LIPA: variants seen among roughly 807,000 people sequenced by gnomAD.
LIPA encodes lipase A, lysosomal acid type, also known as lysosomal acid lipase/cholesteryl ester hydrolase.
Under a neutral mutation model 40.6 loss-of-function variants are expected in LIPA, and 26 were observed. The ratio of observed to expected loss-of-function variants is 0.64; its 90% CI spans 0.47 to 0.89. The LOEUF is 0.89. LIPA is among the 40% of genes least tolerant of loss of function. The pLI, the probability that LIPA is intolerant of heterozygous loss-of-function variation, is 0.00. For missense variants in LIPA, 455 were observed against 479.6 expected, an observed-to-expected ratio of 0.95 and a Z score of 0.48; for synonymous variants, 188 against 168.4, an observed-to-expected ratio of 1.12 and a Z score of -0.90.
Position 89,383,947 on chromosome 10 carries a change from C to A in LIPA, c.61+28844G>T, listed in dbSNP as rs142531389. ...GCACGTCCTAAAACGAGCTGTCAGG[C>A]TAAATCCAGATGATGTATATATTAG... On this transcript the variant is annotated intron_variant, in intron 2 of 8. Coordinates refer to the LIPA transcript ENST00000371837. The A allele has an allele frequency of 6.2e-7, 1 of 1,614,154 alleles. No homozygotes were observed. Among genetic ancestry groups the A allele is most frequent in the South Asian group, 1.1e-5 (1 of 91,092 alleles).
At chr10:89,290,233 G>T (rs553952576) in intron 1 of LIPA, among the ~76,000 whole-genome samples, 53 of 151,878 alleles carry the variant, frequency 3.5e-4, no homozygotes, top group African/African-American at 1.2e-3. Context: ...CTCTTATTTG[G>T]ACCTTATGTC....
intron 2 of LIPA, among the ~76,000 whole-genome samples, chr10:89,364,593 TAAGA>T (rs1455597795): frequency 2.6e-5 from 4 of 151,420 alleles, no homozygotes; most frequent in African/African-American, 7.3e-5. Context: ...ATCCTTTGTT[TAAGA>T]AAGTTCTCAG....
At chr10:89,240,894 G>A (rs1842957427) in intron 3 of LIPA, among the ~76,000 whole-genome samples, 1 of 152,160 alleles carries the variant, frequency 6.6e-6, no homozygotes, top group South Asian at 2.1e-4. Flanking sequence ...CTGCAGCCTG[G>A]AGCTAAAGCA....
At chr10:89,400,390 T>C (rs574940549) in intron 2 of LIPA, among the ~76,000 whole-genome samples, 1 of 152,348 alleles carries the variant, frequency 6.6e-6, no homozygotes, top group South Asian at 2.1e-4. Flanking sequence ...TAATATTATG[T>C]CTTCTAATCC....
rs143698103 is a variant in LIPA at position 89,291,252 on chromosome 10, C to T, written c.-1-43603G>A. ...TCTTCCTCATTTTTTCCCCTTCCTC[C>T]CTGCCTTCCAGATTCCTTCCTTTTT... On this transcript the variant is annotated intron_variant, in intron 1 of 5. Coordinates refer to the LIPA transcript ENST00000282673. Among the ~76,000 whole-genome samples, 437 of 152,062 alleles carry T rather than the reference C, an allele frequency of 2.9e-3. 1 individual carries two copies. Among genetic ancestry groups the T allele is most frequent in the African/African-American group, 9.9e-3 (410 of 41,462 alleles).
In LIPA at chr10:89,226,962, G is replaced by A; in HGVS notation, c.471C>T (p.Asn157=). 3.1e-6 allele frequency: 5 copies of A among 1,613,542 alleles called. No homozygotes were observed. Among genetic ancestry groups the A allele is most frequent in the Non-Finnish European group, 4.2e-6 (5 of 1,179,576 alleles). Residue 157 remains asparagine (N), a synonymous_variant, in exon 5 of 10, where the codon AAC becomes AAT. Transcript: ENST00000336233. ...MAKYDLPASI[N]FILNKTGQEQ... ...CTTGGCCAGTTTTATTCAGAATGAA[G>A]TTAATGGAAGCTGGTAGGTCATATT... is the stretch of plus-strand genomic sequence containing the variant.
chr10:89,275,318 G>T (rs376496520), intron 1 of LIPA, among the ~76,000 whole-genome samples: 5 of 152,200 alleles, frequency 3.3e-5, no homozygotes, highest in Non-Finnish European at 7.3e-5. Context: ...CAGCATCTCT[G>T]AATCCTGGGC....
At chr10:89,257,192 G>C (rs986630352) in intron 1 of LIPA, among the ~76,000 whole-genome samples, 1 of 152,286 alleles carries the variant, frequency 6.6e-6, no homozygotes, top group African/African-American at 2.4e-5. Flanking sequence ...CTGCATTTTT[G>C]GCAGTCTTTT....
chr10:89,385,231 T>TG (rs1844201845), intron 2 of LIPA: 1 of 153,578 alleles, frequency 6.5e-6, no homozygotes, highest in Non-Finnish European at 1.4e-5. Context: ...TATTTGAGAT[T>TG]GAGACAACAG....
intron 1 of LIPA, chr10:89,306,532 G>A (rs954440): frequency 6.2e-7 from 1 of 1,613,992 alleles, no homozygotes; most frequent in Non-Finnish European, 8.5e-7. Context: ...CACCATCTCA[G>A]AACGCCATTG....
At chr10:89,337,546 T>C (rs149953034) in intron 1 of LIPA, among the ~76,000 whole-genome samples, 2 of 152,316 alleles carry the variant, frequency 1.3e-5, no homozygotes, top group East Asian at 3.9e-4. Flanking sequence ...ACTACAGGCA[T>C]GTACTACCAT....
intron 2 of LIPA, chr10:89,402,260 A>T: frequency 6.6e-7 from 1 of 1,518,614 alleles, no homozygotes; most frequent in Non-Finnish European, 9.0e-7. Context: ...TAACAAAGAA[A>T]ATCTGTTTTT....
At chr10:89,321,840 C>G (rs575018804) in intron 1 of LIPA, among the ~76,000 whole-genome samples, 1 of 152,076 alleles carries the variant, frequency 6.6e-6, no homozygotes, top group South Asian at 2.1e-4. Context: ...CAATGATAGA[C>G]TGGATTAAGA....
intron 1 of LIPA, chr10:89,285,127 C>A (rs371453307): frequency 6.3e-6 from 1 of 159,418 alleles, no homozygotes; most frequent in Non-Finnish European, 1.4e-5. Flanking sequence ...CATTTGGTGC[C>A]GTGACTCGGA....
intron 1 of LIPA, among the ~76,000 whole-genome samples, chr10:89,272,070 T>TA (rs200777645): frequency 0.12 from 17,953 of 148,320 alleles, 1,053 homozygotes; most frequent in South Asian, 0.24. Context: ...GACTCTGTCT[T>TA]AAAAAAAAAA....
rs915044209 is a variant in LIPA, at chr10:89,332,723, C to T, written c.-2+9888G>A. 5 of 1,218,884 alleles carry T rather than the reference C, an allele frequency of 4.1e-6. No individual in the cohort carries two copies. The African/African-American group carries it at 7.5e-5, about 18-fold the overall frequency. 75.5% of individuals were successfully genotyped at this position (1,218,884 alleles called of 1,614,324 possible). On this transcript the variant is annotated intron_variant, in intron 1 of 5. Coordinates refer to the LIPA transcript ENST00000282673. ...AGTGTTTGCTTAGAGATGAAATATG[C>T]ATTTATCTAATTCAAGCATAAATCT...
At chr10:89,393,868 T>C (rs1344044699) in intron 2 of LIPA, among the ~76,000 whole-genome samples, 1 of 152,248 alleles carries the variant, frequency 6.6e-6, no homozygotes, top group African/African-American at 2.4e-5. Flanking sequence ...AACCCTCCTC[T>C]GTAAACAGAT....
chr10:89,274,286 G>A (rs1458676451), intron 1 of LIPA, among the ~76,000 whole-genome samples: 1 of 152,200 alleles, frequency 6.6e-6, no homozygotes, highest in Admixed American at 6.5e-5. Flanking sequence ...AAAGAACACA[G>A]GAAACTCACC....
intron 1 of LIPA, among the ~76,000 whole-genome samples, chr10:89,286,570 C>G (rs570218748): frequency 6.6e-6 from 1 of 152,136 alleles, no homozygotes. Flanking sequence ...AATCAGTTAG[C>G]GTTTAGGCTC....
Sources: gnomAD v4.1 joint callset for allele counts (sites outside exome capture counted in the v4.1 genomes callset) on GRCh38, gnomAD v4.1.1 for gene constraint, MANE v1.5 for transcripts, NCBI Gene and HGNC (gene_info 2026-07-23, HGNC 2026-07-21) for gene names.